RFX8: variants seen among roughly 807,000 people sequenced by gnomAD.
RFX8 encodes regulatory factor X8, also known as DNA-binding protein RFX8.
RFX8 carries 46 observed loss-of-function variants against 54.6 expected under a neutral mutation model. That is an observed-to-expected ratio of 0.84 (90% CI 0.67 to 1.08). The LOEUF (loss-of-function observed/expected upper bound fraction) is 1.08. Among genes scored for constraint, RFX8 ranks in the 50% least tolerant of loss-of-function variants. The pLI, the probability that RFX8 is intolerant of heterozygous loss-of-function variation, is 0.00. For missense variants in RFX8, 536 were observed against 562.3 expected, an observed-to-expected ratio of 0.95 and a Z score of 0.47; for synonymous variants, 192 against 209.5, an observed-to-expected ratio of 0.92 and a Z score of 0.72.
intron 2 of RFX8, among the ~76,000 whole-genome samples, chr2:101,451,162 G>A (rs7594911): frequency 0.36 from 54,182 of 151,754 alleles, 10,324 homozygotes; most frequent in African/African-American, 0.45. Flanking sequence ...AGCTTGTCCC[G>A]GCTTCAGACA....
chr2:101,419,037 C>A, intron 4 of RFX8, 73 bp from the exon 5 acceptor site: 1 of 724,628 alleles, frequency 1.4e-6, no homozygotes. Context: ...GCCACAGATA[C>A]TTCCTTAGCC....
intron 1 of RFX8, among the ~76,000 whole-genome samples, chr2:101,469,055 CGT>C (rs1491535034): frequency 9.8e-6 from 1 of 102,552 alleles, no homozygotes; most frequent in Non-Finnish European, 1.8e-5. Context: ...TATATATATA[CGT>C]ATATATATGT....
chr2:101,412,926 G>C lies in RFX8; in HGVS notation c.707C>G (p.Pro236Arg). ...RSGADELENN[P>R]EMKCLRNLIS... ...AGAAGGAAGATTACATTTCATCTCT[G>C]GGTTGTTCTCCAGTTCATCTGCGCC... Residue 236 changes from proline to arginine, a missense_variant, in exon 8 of 12, where the codon CCA becomes CGA. Physicochemically the swap from Pro to Arg is moderately radical, Grantham distance 103 (BLOSUM62 -2). Transcript: ENST00000428343. The C allele has an allele frequency of 6.4e-7, 1 of 1,550,570 alleles. No individual in the cohort carries two copies.
chr2:101,435,976 G>A (rs1251155226), intron 2 of RFX8, among the ~76,000 whole-genome samples: 2 of 151,996 alleles, frequency 1.3e-5, no homozygotes, highest in African/African-American at 2.4e-5. Flanking sequence ...GCCCCCACCC[G>A]CTGCTCAGCC....
chr2:101,471,104 T>C (rs898311530), intron 1 of RFX8, among the ~76,000 whole-genome samples: 2 of 151,602 alleles, frequency 1.3e-5, no homozygotes, highest in Non-Finnish European at 2.9e-5. Flanking sequence ...GAGGCTGAGA[T>C]GGGCAGATCA....
intron 2 of RFX8, among the ~76,000 whole-genome samples, chr2:101,437,692 C>T (rs989164619): frequency 3.3e-5 from 5 of 152,124 alleles, no homozygotes; most frequent in African/African-American, 7.2e-5. Flanking sequence ...TAGTTTCCCC[C>T]GATGGTTACA....
intron 1 of RFX8, among the ~76,000 whole-genome samples, chr2:101,473,173 G>A (rs1202823141): frequency 2.0e-5 from 3 of 152,170 alleles, no homozygotes; most frequent in Non-Finnish European, 4.4e-5. Context: ...GCGGTCTTAG[G>A]AGGATGTTCA....
intron 6 of RFX8, among the ~76,000 whole-genome samples, chr2:101,415,869 C>T (rs1426880998): frequency 6.6e-6 from 1 of 152,248 alleles, no homozygotes. Context: ...GAAAGCTTCA[C>T]TGCGAAGGTG....
intron 2 of RFX8, among the ~76,000 whole-genome samples, chr2:101,435,544 G>C (rs1039462674): frequency 1.8e-4 from 28 of 152,032 alleles, no homozygotes; most frequent in African/African-American, 6.8e-4. Context: ...TATAATGCAC[G>C]CACATATACA....
chr2:101,403,597 T>C (rs993283708), intron 10 of RFX8, among the ~76,000 whole-genome samples: 17 of 152,098 alleles, frequency 1.1e-4, no homozygotes, highest in African/African-American at 3.1e-4. Context: ...CCATCCCAGC[T>C]AACAAGGCGA....
chr2:101,422,375 T>A lies in RFX8; in HGVS notation c.170A>T (p.Tyr57Phe), dbSNP rs114970690. The change falls in exon 3 of 12, where the codon TAC (tyrosine) becomes TTC (phenylalanine). Residue 57 changes from tyrosine (Y) to phenylalanine (F), a missense_variant. Physicochemically the swap from Tyr to Phe is conservative, Grantham distance 22 (BLOSUM62 3). Transcript: ENST00000428343. ...PFLEQEQAKK[Y>F]SCNMMAFLAD... ...GTGCAAACCTACCATATTACAGGAG[T>A]ATTTCTTTGCCTGTTCTTGCTCCAG... is the stretch of plus-strand genomic sequence containing the variant. The A allele has an allele frequency of 1.0e-3, 1,569 of 1,512,910 alleles. 13 individuals carry two copies. In the African/African-American group the frequency reaches 0.019, roughly 19 times the overall value. 93.7% of individuals were successfully genotyped at this position (1,512,910 alleles called of 1,614,324 possible).
intron 2 of RFX8, among the ~76,000 whole-genome samples, chr2:101,430,957 A>C (rs1451777006): frequency 6.6e-6 from 1 of 152,228 alleles, no homozygotes; most frequent in African/African-American, 2.4e-5. Context: ...GATGTCTAAA[A>C]ATTAGTTGTG....
At chr2:101,432,762 G>A (rs1687560205) in intron 2 of RFX8, among the ~76,000 whole-genome samples, 1 of 152,224 alleles carries the variant, frequency 6.6e-6, no homozygotes. Flanking sequence ...AGCTGGCCTT[G>A]TTGTGAAGGA....
intron 8 of RFX8, 58 bp downstream of exon 8, chr2:101,412,857 G>A (rs1052356388): frequency 1.3e-6 from 2 of 1,482,200 alleles, no homozygotes; most frequent in African/African-American, 1.4e-5. Context: ...CGATGGCCAT[G>A]CTAGCCCCAA....
intron 1 of RFX8, among the ~76,000 whole-genome samples, chr2:101,473,781 G>C (rs1331034750): frequency 6.6e-6 from 1 of 152,182 alleles, no homozygotes; most frequent in African/African-American, 2.4e-5. Context: ...GGAATGCATT[G>C]CTAAAGCTAA....
chr2:101,412,921 T>C lies in RFX8; in HGVS notation c.712A>G (p.Met238Val). 1 of 1,550,188 alleles carries C rather than the reference T, an allele frequency of 6.5e-7. No individual in the cohort carries two copies. Among genetic ancestry groups the C allele is most frequent in the Non-Finnish European group, 8.7e-7 (1 of 1,146,540 alleles). Residue 238 changes from methionine to valine, a missense_variant, in exon 8 of 12, where the codon ATG becomes GTG. Physicochemically the swap from Met to Val is conservative, Grantham distance 21 (BLOSUM62 1). Coordinates refer to ENST00000428343, the MANE Select transcript of RFX8 (RefSeq NM_001145664.2). Reference sequence around the variant, plus strand: ...GCTGCAGAAGGAAGATTACATTTCATCTCTGGGTTGTTCTCCAGTTCATCT... The same window carrying C: ...GCTGCAGAAGGAAGATTACATTTCACCTCTGGGTTGTTCTCCAGTTCATCT... ...GADELENNPEMKCLRNLISLL... is the reference protein window; with the variant it reads ...GADELENNPEVKCLRNLISLL...
At chr2:101,469,079 A>AAT (rs1558896740) in intron 1 of RFX8, among the ~76,000 whole-genome samples, 1 of 11,090 alleles carries the variant, frequency 9.0e-5, no homozygotes, top group Admixed American at 1.6e-3. Flanking sequence ...TATATATATA[A>AAT]GTGTATATAT....
At chr2:101,429,537 T>C (rs1356706729) in intron 2 of RFX8, among the ~76,000 whole-genome samples, 1 of 152,232 alleles carries the variant, frequency 6.6e-6, no homozygotes, top group Non-Finnish European at 1.5e-5. Flanking sequence ...GTCCTATCTA[T>C]GCAGTACGGT....
intron 2 of RFX8, among the ~76,000 whole-genome samples, chr2:101,445,401 CT>C (rs975319750): frequency 3.3e-5 from 5 of 150,416 alleles, no homozygotes; most frequent in East Asian, 1.9e-4. Context: ...GCGATTGTTC[CT>C]TTTTTTTTGA....
Sources: gnomAD v4.1 joint callset for allele counts (sites outside exome capture counted in the v4.1 genomes callset) on GRCh38, gnomAD v4.1.1 for gene constraint, MANE v1.5 for transcripts, NCBI Gene and HGNC (gene_info 2026-07-23, HGNC 2026-07-21) for gene names.